WSCD2: variants seen among roughly 807,000 people sequenced by gnomAD.
WSCD2 encodes the protein sialate:O-sulfotransferase 2.
In WSCD2, 28 loss-of-function variants were observed where a neutral mutation model predicts 55.7. The observed-to-expected ratio is 0.50, with a 90% CI of 0.37 to 0.69. WSCD2 has a LOEUF of 0.69. WSCD2 is among the 30% of genes least tolerant of loss of function. WSCD2 has a pLI of 0.00. For missense variants in WSCD2, 616 were observed against 762.1 expected (o/e 0.81, Z 2.26); for synonymous variants, 301 against 301.9 (o/e 1.00, Z 0.03).
intron 1 of WSCD2, among the ~76,000 whole-genome samples, chr12:108,186,232 C>A (rs1055647365): frequency 1.3e-5 from 2 of 152,176 alleles, no homozygotes; most frequent in African/African-American, 4.8e-5. Context: ...AGATTCATAG[C>A]AAAATTGAGC....
chr12:108,235,977 T>C (rs913809013), intron 7 of WSCD2, among the ~76,000 whole-genome samples: 14 of 152,296 alleles, frequency 9.2e-5, no homozygotes, highest in African/African-American at 2.6e-4. Flanking sequence ...AGCTGAAAGA[T>C]GCTTAACTTC....
intron 1 of WSCD2, among the ~76,000 whole-genome samples, chr12:108,176,191 A>G (rs1051740592): frequency 1.5e-4 from 23 of 152,186 alleles, no homozygotes; most frequent in African/African-American, 5.1e-4. Context: ...ACCTACAGTA[A>G]AATGCACCCA....
At chr12:108,156,466 G>A (rs1403859048) in intron 1 of WSCD2, among the ~76,000 whole-genome samples, 3 of 152,152 alleles carry the variant, frequency 2.0e-5, no homozygotes, top group Non-Finnish European at 4.4e-5. Flanking sequence ...TTCCCCATAA[G>A]CAGGACCCAG....
At chr12:108,245,224 G>A (rs1890000956) in intron 8 of WSCD2, among the ~76,000 whole-genome samples, 1 of 143,646 alleles carries the variant, frequency 7.0e-6, no homozygotes, top group Non-Finnish European at 1.5e-5. Flanking sequence ...CCGTTGTGTA[G>A]ACTTGGGCAA....
intron 2 of WSCD2, among the ~76,000 whole-genome samples, chr12:108,198,839 A>G (rs1367338173): frequency 6.6e-6 from 1 of 152,244 alleles, no homozygotes; most frequent in Non-Finnish European, 1.5e-5. Flanking sequence ...TCAGTAAGTT[A>G]GGGATTATTA....
At chr12:108,165,030 C>A (rs1184497429) in intron 1 of WSCD2, among the ~76,000 whole-genome samples, 2 of 152,174 alleles carry the variant, frequency 1.3e-5, no homozygotes, top group Non-Finnish European at 2.9e-5. Flanking sequence ...TTATTGTAAA[C>A]CTGGCTGGCA....
intron 1 of WSCD2, among the ~76,000 whole-genome samples, chr12:108,149,302 A>G (rs1374443745): frequency 1.3e-5 from 2 of 152,236 alleles, no homozygotes; most frequent in Non-Finnish European, 2.9e-5. Flanking sequence ...CTTTTCACCC[A>G]AAGACAACAG....
intron 1 of WSCD2, among the ~76,000 whole-genome samples, chr12:108,158,361 A>G (rs1488517500): frequency 1.4e-5 from 2 of 148,104 alleles, no homozygotes; most frequent in Non-Finnish European, 3.0e-5. Context: ...CTTGGCTACA[A>G]GGTTTCATTT....
chr12:108,130,750 T>C (rs1409811324), intron 1 of WSCD2, among the ~76,000 whole-genome samples: 1 of 152,026 alleles, frequency 6.6e-6, no homozygotes, highest in Non-Finnish European at 1.5e-5. Flanking sequence ...ACCATTCCTA[T>C]TGGAGCCTGG....
intron 1 of WSCD2, among the ~76,000 whole-genome samples, chr12:108,164,448 G>A (rs1048717346): frequency 2.6e-5 from 4 of 151,654 alleles, no homozygotes; most frequent in South Asian, 2.1e-4. Context: ...TTATAAATCC[G>A]TGAGATTTAT....
intron 2 of WSCD2, among the ~76,000 whole-genome samples, chr12:108,203,064 G>A (rs1884907597): frequency 6.6e-6 from 1 of 152,206 alleles, no homozygotes; most frequent in African/African-American, 2.4e-5. Flanking sequence ...TGAATAGACA[G>A]ACCTGGACAT....
At chr12:108,130,075 G>T (rs1451027643) in intron 1 of WSCD2, 149 bp downstream of exon 1, 2 of 152,322 alleles carry the variant, frequency 1.3e-5, no homozygotes, top group African/African-American at 4.8e-5. Flanking sequence ...AGAGCCCGGC[G>T]AGTGAGGAAC....
chr12:108,190,128 C>A (rs991743833), intron 1 of WSCD2, among the ~76,000 whole-genome samples: 9 of 152,110 alleles, frequency 5.9e-5, no homozygotes, highest in African/African-American at 1.9e-4. Flanking sequence ...AAGTTAATGA[C>A]CACCTCAAAG....
At chr12:108,244,996 A>G (rs1889985940) in intron 8 of WSCD2, among the ~76,000 whole-genome samples, 1 of 152,220 alleles carries the variant, frequency 6.6e-6, no homozygotes, top group Non-Finnish European at 1.5e-5. Context: ...TCCTCCACTG[A>G]GGTTGATTCC....
intron 8 of WSCD2, 110 bp downstream of exon 8, chr12:108,240,654 T>A (rs1241691516): frequency 3.1e-6 from 4 of 1,276,998 alleles, no homozygotes; most frequent in African/African-American, 1.5e-5. Context: ...CAATGCCTCA[T>A]GCGAGGAACC....
Position 108,248,345 on chromosome 12 carries a change from G to A in WSCD2, c.*2G>A. ...CCCGATGACTACTACCCAAGATGAT[G>A]CGTCCACACAGGGGGAGGGTAGACT... On this transcript the variant is annotated 3_prime_UTR_variant, in exon 9 of 9. Transcript: ENST00000547525. This position sits in a 1 kb window ranked among gnomAD's most constrained non-coding sequence, Gnocchi z 4.3. 1 of 1,607,462 alleles carries A rather than the reference G, an allele frequency of 6.2e-7. No individual in the cohort carries two copies. Among genetic ancestry groups the A allele is most frequent in the Non-Finnish European group, 8.5e-7 (1 of 1,175,046 alleles).
chr12:108,137,270 T>C (rs11113760), intron 1 of WSCD2, among the ~76,000 whole-genome samples: 29,176 of 152,192 alleles, frequency 0.19, 2,995 homozygotes, highest in Non-Finnish European at 0.22. Context: ...CATAACTGCA[T>C]GCCATTTACC....
At chr12:108,199,831 T>C (rs189048752) in intron 2 of WSCD2, among the ~76,000 whole-genome samples, 62 of 152,260 alleles carry the variant, frequency 4.1e-4, no homozygotes, top group Non-Finnish European at 6.8e-4. Flanking sequence ...AACCCAGGTG[T>C]TGTGAGTCTT....
At chr12:108,229,130 C>T (rs1162014206) in intron 6 of WSCD2, among the ~76,000 whole-genome samples, 3 of 152,180 alleles carry the variant, frequency 2.0e-5, no homozygotes, top group Non-Finnish European at 4.4e-5. Context: ...GCAGTTTCTA[C>T]ACACTGGGGA....
Sources: gnomAD v4.1 joint callset for allele counts (sites outside exome capture counted in the v4.1 genomes callset) on GRCh38, gnomAD v4.1.1 for gene constraint, Gnocchi (gnomAD v3.1) non-coding constraint, MANE v1.5 for transcripts, NCBI Gene and HGNC (gene_info 2026-07-23, HGNC 2026-07-21) for gene names.